Variants in CLTC observed in about 807,000 individuals in gnomAD.
CLTC encodes the protein clathrin heavy chain 1.
In CLTC, 16 loss-of-function variants were observed where a neutral mutation model predicts 195.8. The ratio of observed to expected loss-of-function variants is 0.08; its 90% CI spans 0.06 to 0.12. The LOEUF (loss-of-function observed/expected upper bound fraction) is 0.12. Ranked by LOEUF, CLTC falls within the 10% of genes least tolerant of loss-of-function variation. The pLI is 1.00. For missense variants in CLTC, 796 were observed against 2,027.0 expected (o/e 0.39, Z 11.66); for synonymous variants, 667 against 689.4 (o/e 0.97, Z 0.51).
Position 59,682,469 on chromosome 17 carries a change from A to T in CLTC, c.3600+41A>T, listed in dbSNP as rs760600988. On this transcript the variant is annotated intron_variant, in intron 22 of 31. Transcript: ENST00000269122. The surrounding 1 kb of genome is among the most constrained non-coding windows in gnomAD (Gnocchi z 6.8). ...AGATTTAAGAAAAACTAGTTGGGCTACTTGATTAGCTTGGTAGGATCAAAA... is the reference window on the plus strand; with the variant it reads ...AGATTTAAGAAAAACTAGTTGGGCTTCTTGATTAGCTTGGTAGGATCAAAA... 12 of 1,610,886 alleles carry T rather than the reference A, an allele frequency of 7.4e-6. No homozygotes were observed. The highest frequency in any genetic ancestry group is 9.3e-6 in the Non-Finnish European group (11 of 1,177,756).
At chr17:59,692,819 T>C (rs1417254005) in intron 31 of CLTC, among the ~76,000 whole-genome samples, 1 of 152,082 alleles carries the variant, frequency 6.6e-6, no homozygotes. Flanking sequence ...TTTGTATTTT[T>C]AGTAGAGACG....
intron 17 of CLTC, among the ~76,000 whole-genome samples, chr17:59,677,599 G>C (rs1273826325): frequency 1.3e-5 from 2 of 152,156 alleles, no homozygotes; most frequent in Non-Finnish European, 2.9e-5. Context: ...ACCAGCTTCA[G>C]TCAGTTTGAC....
In CLTC at chr17:59,620,111, A is replaced by G. The variant is rs2031316160; in HGVS notation, c.-21A>G. 1 of 1,613,524 alleles carries G rather than the reference A, an allele frequency of 6.2e-7. No homozygotes were observed. The highest frequency in any genetic ancestry group is 1.3e-5 in the African/African-American group (1 of 74,778). Reference sequence around the variant, plus strand: ...CCCGCAGCCCCAGTGACAGGAGGAGACCATAACCCCCGACAGCGCCATGGC... The same window carrying G: ...CCCGCAGCCCCAGTGACAGGAGGAGGCCATAACCCCCGACAGCGCCATGGC... On this transcript the variant is annotated 5_prime_UTR_variant, in exon 1 of 32. Coordinates refer to ENST00000269122, the MANE Select transcript of CLTC (RefSeq NM_004859.4).
At position 59,668,829 on chromosome 17, in the gene CLTC, G is replaced by T. The variant is rs1242664720; in HGVS notation, c.2181G>T (p.Val727=). ...SIVNFSQDPD[V]HFKYIQAACK... ...TTAACTTTAGCCAGGACCCAGATGTGCACTTTAAATATATTCAGGCAGCTT... is the reference window on the plus strand; with the variant it reads ...TTAACTTTAGCCAGGACCCAGATGTTCACTTTAAATATATTCAGGCAGCTT... Residue 727 remains valine, a synonymous_variant, in exon 14 of 32, where the codon GTG becomes GTT. Coordinates refer to ENST00000269122, the MANE Select transcript of CLTC (RefSeq NM_004859.4). 2 of 1,613,424 alleles carry T rather than the reference G, an allele frequency of 1.2e-6. No homozygotes were observed. Among genetic ancestry groups the T allele is most frequent in the Non-Finnish European group, 8.5e-7 (1 of 1,179,760 alleles).
At chr17:59,664,634 C>T (rs1314300492) in intron 9 of CLTC, 153 bp from the exon 10 acceptor site, 9 of 590,326 alleles carry the variant, frequency 1.5e-5, no homozygotes, top group African/African-American at 1.3e-4. Flanking sequence ...TCAAATATGT[C>T]ATCACCAAGG....
At chr17:59,692,247 G>A (rs1459377542) in intron 31 of CLTC, among the ~76,000 whole-genome samples, 4 of 152,322 alleles carry the variant, frequency 2.6e-5, no homozygotes, top group Admixed American at 2.0e-4. Context: ...AACCTGGGAG[G>A]CAAAGGCTGC....
At chr17:59,661,405 C>T (rs1174891373) in intron 7 of CLTC, 38 bp from the exon 8 acceptor site, 1 of 1,525,240 alleles carries the variant, frequency 6.6e-7, no homozygotes. Context: ...CTCCTTCTTA[C>T]ACTTTCGAAG....
At chr17:59,633,242 A>G (rs1349691129) in intron 1 of CLTC, among the ~76,000 whole-genome samples, 2 of 152,154 alleles carry the variant, frequency 1.3e-5, no homozygotes, top group African/African-American at 4.8e-5. Context: ...TGTAATCCCA[A>G]TACTTTGGGA....
chr17:59,648,316 C>A lies in CLTC; in HGVS notation c.596C>A (p.Ala199Asp). The change falls in exon 4 of 32, where the codon GCT becomes GAT. Residue 199 changes from alanine to aspartate, a missense_variant. Physicochemically the swap from Ala to Asp is moderately radical, Grantham distance 126. Coordinates refer to ENST00000269122, the MANE Select transcript of CLTC (RefSeq NM_004859.4). This position sits in a 1 kb window ranked among gnomAD's most constrained non-coding sequence, Gnocchi z 4.5. Reference sequence around the variant, plus strand: ...TCTCAGCCCATTGAAGGACATGCAGCTAGCTTTGCACAGTTTAAGATGGAA... The same window carrying A: ...TCTCAGCCCATTGAAGGACATGCAGATAGCTTTGCACAGTTTAAGATGGAA... ...KVSQPIEGHA[A>D]SFAQFKMEGN... 6.2e-7 allele frequency: 1 copy of A among 1,614,112 alleles called. No individual in the cohort carries two copies. Among genetic ancestry groups the A allele is most frequent in the South Asian group, 1.1e-5 (1 of 91,084 alleles).
At chr17:59,675,926 C>G (rs1447681984) in intron 16 of CLTC, among the ~76,000 whole-genome samples, 1 of 152,186 alleles carries the variant, frequency 6.6e-6, no homozygotes, top group Non-Finnish European at 1.5e-5. Flanking sequence ...ATTTTTGCCT[C>G]TATTTATTAA....
At chr17:59,686,731 C>CTT (rs1418920690) in intron 30 of CLTC, among the ~76,000 whole-genome samples, 1 of 152,210 alleles carries the variant, frequency 6.6e-6, no homozygotes, top group South Asian at 2.1e-4. Context: ...TGAGACCTGT[C>CTT]TTTAAGCTGC....
intron 8 of CLTC, among the ~76,000 whole-genome samples, chr17:59,661,987 C>T (rs1378034341): frequency 6.6e-6 from 1 of 151,850 alleles, no homozygotes; most frequent in Non-Finnish European, 1.5e-5. Context: ...CCTGTAATCC[C>T]AGCTACTTGG....
At chr17:59,670,319 G>C (rs1293560406) in intron 14 of CLTC, among the ~76,000 whole-genome samples, 1 of 151,660 alleles carries the variant, frequency 6.6e-6, no homozygotes, top group Non-Finnish European at 1.5e-5. Flanking sequence ...AAGTTCAGGG[G>C]TGCGTGGGCA....
At chr17:59,622,291 C>T (rs931646441) in intron 1 of CLTC, among the ~76,000 whole-genome samples, 5 of 152,212 alleles carry the variant, frequency 3.3e-5, no homozygotes, top group African/African-American at 7.2e-5. Flanking sequence ...GACTGTGCTC[C>T]AGTTGATTAA....
At chr17:59,679,358 AC>A in intron 17 of CLTC, 38 bp from the exon 18 acceptor site, 1 of 1,549,296 alleles carries the variant, frequency 6.5e-7, no homozygotes, top group Non-Finnish European at 8.8e-7. Context: ...AAAGTCCTTT[AC>A]TTTTTACCTT....
intron 3 of CLTC, 116 bp downstream of exon 3, chr17:59,647,782 T>C: frequency 2.1e-6 from 2 of 967,528 alleles, no homozygotes; most frequent in South Asian, 1.7e-5. Flanking sequence ...ATTTCACTTA[T>C]TTTGGAAGAC....
At chr17:59,659,406 T>G (rs2032553768) in intron 6 of CLTC, among the ~76,000 whole-genome samples, 1 of 151,684 alleles carries the variant, frequency 6.6e-6, no homozygotes, top group African/African-American at 2.4e-5. Flanking sequence ...GAAATTGGCC[T>G]TTACTGATAT....
At position 59,683,190 on chromosome 17, in the gene CLTC, A is replaced by G. The variant is rs769689817; in HGVS notation, c.3969A>G (p.Leu1323=). The stretch of plus-strand genomic sequence containing the variant: ...GAATGTTTACTGAATTAGCTATTCT[A>G]TACTCTAAATTTAAGCCTCAGAAAA... The part of the protein sequence containing the change: ...HMGMFTELAI[L]YSKFKPQKMR... Residue 1323 remains leucine, a synonymous_variant, in exon 25 of 32, where the codon CTA becomes CTG. Coordinates refer to ENST00000269122, the MANE Select transcript of CLTC (RefSeq NM_004859.4). This position sits in a 1 kb window ranked among gnomAD's most constrained non-coding sequence, Gnocchi z 6.1. The G allele has an allele frequency of 2.4e-5, 38 of 1,614,034 alleles. No individual in the cohort carries two copies. Among genetic ancestry groups the G allele is most frequent in the Non-Finnish European group, 3.0e-5 (35 of 1,180,016 alleles).
At chr17:59,669,448 C>T (rs2032798557) in intron 14 of CLTC, among the ~76,000 whole-genome samples, 2 of 152,134 alleles carry the variant, frequency 1.3e-5, no homozygotes, top group South Asian at 2.1e-4. Flanking sequence ...ACAAAACGCT[C>T]AGCTTTGTGA....
Sources: allele counts gnomAD v4.1 joint callset (sites outside exome capture counted in the v4.1 genomes callset), GRCh38; gene constraint gnomAD v4.1.1; non-coding constraint Gnocchi (gnomAD v3.1); transcripts MANE v1.5; gene names NCBI Gene and HGNC (gene_info 2026-07-23, HGNC 2026-07-21).